Variants in PASD1 observed in about 807,000 individuals in gnomAD.
PASD1 encodes the protein circadian clock protein PASD1.
Under a neutral mutation model 58.8 loss-of-function variants are expected in PASD1, and 13 were observed. That is an observed-to-expected ratio of 0.22 (90% CI 0.14 to 0.35). The LOEUF (loss-of-function observed/expected upper bound fraction) is 0.35. Among genes scored for constraint, PASD1 ranks in the 10% least tolerant of loss-of-function variants. PASD1 has a pLI of 1.00. For missense variants in PASD1, 734 were observed against 568.3 expected (o/e 1.29, Z -2.96); for synonymous variants, 236 against 216.7 (o/e 1.09, Z -0.78).
Position 151,604,565 on chromosome X carries a change from T to C in PASD1, c.29-81T>C, listed in dbSNP as rs184102328. The C allele has an allele frequency of 1.5e-4, 99 of 655,052 alleles. No individual in the cohort carries two copies. In the African/African-American group the frequency reaches 2.1e-3, roughly 14 times the overall value. 54.0% of individuals were successfully genotyped at this position (655,052 alleles called of 1,213,427 possible). On this transcript the variant is annotated intron_variant, in intron 2 of 15. Transcript: ENST00000370357. ...ATAAGAGTCTTTTCTATAAATTAAG[T>C]ATAACTTTGAAAAATCTAATACCCA...
intron 1 of PASD1, among the ~76,000 whole-genome samples, chrX:151,576,426 T>C (rs2013007485): frequency 8.9e-6 from 1 of 112,545 alleles, no homozygotes; most frequent in Non-Finnish European, 1.9e-5. Context: ...CTTATCCTAG[T>C]GAATTGATTA....
At chrX:151,595,831 T>G (rs2013316396) in intron 1 of PASD1, among the ~76,000 whole-genome samples, 1 of 111,931 alleles carries the variant, frequency 8.9e-6, no homozygotes, top group South Asian at 3.8e-4. Context: ...GTAACCATCT[T>G]TCTTGGTTTT....
chrX:151,651,267 G>A (rs2014125681), intron 9 of PASD1, among the ~76,000 whole-genome samples: 1 of 112,142 alleles, frequency 8.9e-6, no homozygotes, highest in African/African-American at 3.2e-5. Context: ...TCTTAATGAT[G>A]AGTGTAGGTG....
intron 4 of PASD1, among the ~76,000 whole-genome samples, chrX:151,615,315 C>T (rs964368107): frequency 9.0e-6 from 1 of 111,301 alleles, no homozygotes; most frequent in Admixed American, 9.7e-5. Context: ...CACACACGCC[C>T]CCCAAAACCA....
chrX:151,645,591 A>T (rs1282505074), intron 8 of PASD1: 1 of 112,193 alleles, frequency 8.9e-6, no homozygotes, highest in African/African-American at 3.2e-5. Flanking sequence ...TTACATAATG[A>T]GACAGAGGTA....
intron 9 of PASD1, among the ~76,000 whole-genome samples, chrX:151,653,751 C>CTTCTTTCTTTCTTTCTTTCTTTCT (rs1246137820): frequency 1.2e-4 from 2 of 16,955 alleles, no homozygotes; most frequent in Non-Finnish European, 1.8e-4. Flanking sequence ...TCTTTCCTTC[C>CTTCTTTCTTTCTTTCTTTCTTTCT]TTCTTTCTTT....
rs1015303362 is a variant in PASD1 at position 151,620,783 on chromosome X, C to T, written c.208-147C>T. The T allele has an allele frequency of 2.3e-5, 8 of 347,254 alleles. No homozygotes were observed. In the Admixed American group the frequency reaches 4.0e-4, roughly 17 times the overall value. The allele number at this position is 347,254 out of a possible 1,213,427, so 28.6% of individuals were successfully genotyped here. A position where few individuals can be genotyped will look rare whatever the true frequency, so the allele number is the denominator to read the frequency against. Reference sequence around the variant, plus strand: ...TTTTTTAGAGGTACAACAGGTATAACTGTACATGGCTGAGGTGGGGCAGAG... The same window carrying T: ...TTTTTTAGAGGTACAACAGGTATAATTGTACATGGCTGAGGTGGGGCAGAG... On this transcript the variant is annotated intron_variant, in intron 4 of 15. Coordinates refer to ENST00000370357, the MANE Select transcript of PASD1 (RefSeq NM_173493.3).
At chrX:151,608,403 T>C (rs955655348) in intron 3 of PASD1, among the ~76,000 whole-genome samples, 1 of 111,832 alleles carries the variant, frequency 8.9e-6, no homozygotes, top group African/African-American at 3.2e-5. Flanking sequence ...TATTCATATG[T>C]TGGAGATTTT....
chrX:151,614,444 T>C (rs1043249628), intron 4 of PASD1, among the ~76,000 whole-genome samples: 1 of 111,947 alleles, frequency 8.9e-6, no homozygotes, highest in African/African-American at 3.2e-5. Flanking sequence ...ATTCCACTTA[T>C]ACGTGTGTTT....
intron 8 of PASD1, among the ~76,000 whole-genome samples, chrX:151,642,133 A>G (rs1193003467): frequency 1.8e-5 from 2 of 112,110 alleles, no homozygotes; most frequent in Non-Finnish European, 3.8e-5. Flanking sequence ...CTTTGTTAGC[A>G]GGAAGGCATG....
chrX:151,659,352 C>A, intron 9 of PASD1, among the ~76,000 whole-genome samples: 1 of 111,746 alleles, frequency 8.9e-6, no homozygotes, highest in Non-Finnish European at 1.9e-5. Context: ...AGGTGACTAC[C>A]ATCCTTGGCA....
At position 151,676,718 on chromosome X, in the gene PASD1, T is replaced by A. The variant is rs1294696445; in HGVS notation, c.*575T>A. ...AAATAATTATGGCTTCCTTGCTTAA[T>A]AAACATTTTCGTTCACTGCAACTTT... is the stretch of plus-strand genomic sequence containing the variant. On this transcript the variant is annotated 3_prime_UTR_variant, in exon 16 of 16. Coordinates refer to ENST00000370357, the MANE Select transcript of PASD1 (RefSeq NM_173493.3). 4.5e-5 allele frequency: 5 copies of A among 112,198 alleles called. No individual in the cohort carries two copies. The highest frequency in any genetic ancestry group is 9.4e-5 in the Non-Finnish European group (5 of 53,294). 9.2% of individuals were successfully genotyped at this position (112,198 alleles called of 1,213,427 possible).
intron 1 of PASD1, among the ~76,000 whole-genome samples, chrX:151,564,685 C>T (rs931648689): frequency 1.2e-3 from 120 of 102,718 alleles, no homozygotes; most frequent in African/African-American, 3.8e-3. Context: ...CCAGCTAGGG[C>T]GGACTTAGCG....
At chrX:151,634,214 T>A (rs1182209423) in intron 8 of PASD1, among the ~76,000 whole-genome samples, 1 of 111,238 alleles carries the variant, frequency 9.0e-6, no homozygotes, top group South Asian at 3.8e-4. Flanking sequence ...TTATTATCAT[T>A]CTCTCCTCTT....
chrX:151,652,872 A>G (rs1203223563), intron 9 of PASD1, among the ~76,000 whole-genome samples: 1 of 104,398 alleles, frequency 9.6e-6, no homozygotes. Flanking sequence ...ATGAAGTCAT[A>G]AATGTAAGGA....
At chrX:151,607,928 G>C (rs775652171) in intron 3 of PASD1, among the ~76,000 whole-genome samples, 86 of 111,756 alleles carry the variant, frequency 7.7e-4, no homozygotes, top group Non-Finnish European at 1.3e-3. Flanking sequence ...TGAATCTTGA[G>C]GAGGCGCATA....
chrX:151,645,207 C>G (rs1284589277), intron 8 of PASD1, among the ~76,000 whole-genome samples: 1 of 111,467 alleles, frequency 9.0e-6, no homozygotes, highest in Non-Finnish European at 1.9e-5. Context: ...GAAGGGAAAT[C>G]TGGTTTTCTT....
chrX:151,583,763 T>C (rs1368669279), intron 1 of PASD1, among the ~76,000 whole-genome samples: 1 of 111,926 alleles, frequency 8.9e-6, no homozygotes, highest in Non-Finnish European at 1.9e-5. Flanking sequence ...TTGATATTGC[T>C]AAGGCTGGCT....
chrX:151,610,829 A>G (rs1602928853), intron 3 of PASD1, among the ~76,000 whole-genome samples: 1 of 111,319 alleles, frequency 9.0e-6, no homozygotes, highest in East Asian at 2.8e-4. Flanking sequence ...AAAGTTGACT[A>G]TTTTCTCTTT....
Sources: gnomAD v4.1 joint callset for allele counts (sites outside exome capture counted in the v4.1 genomes callset) on GRCh38, gnomAD v4.1.1 for gene constraint, MANE v1.5 for transcripts, NCBI Gene and HGNC (gene_info 2026-07-23, HGNC 2026-07-21) for gene names.